The following MTR variants were observed in gnomAD, a reference collection of about 807,000 sequenced individuals.
MTR encodes methionine synthase.
A neutral mutation model predicts 154.8 loss-of-function variants in MTR; 84 were observed. That is an observed-to-expected ratio of 0.54 (90% CI 0.45 to 0.65). The LOEUF is 0.65. Ranked by LOEUF, MTR falls within the 30% of genes least tolerant of loss-of-function variation. The probability of loss-of-function intolerance (pLI) is 0.00; values close to 1 mark genes in which losing one functional copy is unlikely to be tolerated. For synonymous variants in MTR, 554 were observed against 553.9 expected, an observed-to-expected ratio of 1.00 and a Z score of 0.00; for missense variants, 1,275 against 1,570.2, an observed-to-expected ratio of 0.81 and a Z score of 3.18.
At chr1:236,880,037 T>A (rs776947166) in intron 24 of MTR, among the ~76,000 whole-genome samples, 2 of 151,532 alleles carry the variant, frequency 1.3e-5, no homozygotes, top group African/African-American at 2.4e-5. Flanking sequence ...GGCGGGTGCC[T>A]GTAGTCCCAG....
In MTR at chr1:236,827,471, T is replaced by TC. The variant is rs556142506; in HGVS notation, c.995+575_995+576insC. ...TCTTATTTCATCTATCCCTCAACTT[T>TC]TCCCCCTGGATTATGTAAAGTAAAT... On this transcript the variant is annotated intron_variant, in intron 11 of 32. Transcript: ENST00000366577. Among the ~76,000 whole-genome samples, 752 of 152,314 alleles carry TC rather than the reference T, an allele frequency of 4.9e-3. 10 individuals are homozygous for TC. Among genetic ancestry groups the TC allele is most frequent in the African/African-American group, 0.017 (709 of 41,554 alleles).
intron 11 of MTR, 106 bp from the exon 12 acceptor site, chr1:236,829,083 A>G (rs1662461479): frequency 1.2e-6 from 1 of 857,354 alleles, no homozygotes. Flanking sequence ...ATGTATAGTT[A>G]TGTTAAATAG....
chr1:236,807,947 G>T (rs1373255855), intron 3 of MTR, among the ~76,000 whole-genome samples: 1 of 152,126 alleles, frequency 6.6e-6, no homozygotes, highest in Non-Finnish European at 1.5e-5. Context: ...ACAGGCGGTG[G>T]ACCCAACTTG....
intron 14 of MTR, among the ~76,000 whole-genome samples, chr1:236,837,631 G>A (rs960928643): frequency 2.6e-5 from 4 of 152,184 alleles, no homozygotes; most frequent in Non-Finnish European, 5.9e-5. Context: ...GGGAGCTGTG[G>A]TATGCACCTG....
chr1:236,870,740 A>G (rs775344809), intron 22 of MTR, among the ~76,000 whole-genome samples: 1 of 152,206 alleles, frequency 6.6e-6, no homozygotes, highest in African/African-American at 2.4e-5. Flanking sequence ...CCATTTGGAT[A>G]TCTAAAGAAA....
chr1:236,856,174 A>C (rs1664190165), intron 18 of MTR, among the ~76,000 whole-genome samples: 1 of 152,056 alleles, frequency 6.6e-6, no homozygotes, highest in African/African-American at 2.4e-5. Flanking sequence ...TTTTTCTGTG[A>C]ACACACCAGT....
chr1:236,819,840 A>T lies in MTR; in HGVS notation c.764+3297A>T, dbSNP rs181113190. ...GGCGGCTTGTGCCATTGTTGCCATT[A>T]AAAACCCTGCTGATGTCAGTGTCAT... On this transcript the variant is annotated intron_variant, in intron 8 of 32. Transcript: ENST00000366577. The T allele has an allele frequency of 3.0e-4, 227 of 767,702 alleles. 1 individual carries two copies. In the East Asian group the frequency reaches 5.3e-3, roughly 18 times the overall value. The allele number at this position is 767,702 out of a possible 1,614,324, so 47.6% of individuals were successfully genotyped here.
In MTR at chr1:236,808,776, A is replaced by G. The variant is rs1245334251; in HGVS notation, c.409+3A>G. 2.5e-6 allele frequency: 4 copies of G among 1,613,942 alleles called. No individual in the cohort carries two copies. In the East Asian group the frequency reaches 8.9e-5, roughly 36 times the overall value. ...CGAGGAGGTAACTCTCCAGACAGGT[A>G]GGGAATGTTCTTCTCTTTTTTTGCA... is the stretch of plus-strand genomic sequence containing the variant. On this transcript the variant is annotated splice_donor_region_variant and intron_variant, in intron 4 of 32. Coordinates refer to ENST00000366577, the MANE Select transcript of MTR (RefSeq NM_000254.3).
Position 236,861,185 on chromosome 1 carries a change from C to A in MTR, c.2104C>A (p.Pro702Thr), listed in dbSNP as rs1211740926. ...EEARLNQKKY[P>T]RPLNIIEGPL... ...AGCCAGGTTAAACCAAAAAAAATAT[C>A]CCCGACCTCTCAATATAATTGAAGG... Residue 702 changes from proline to threonine, a missense_variant, in exon 20 of 33, where the codon CCC becomes ACC. Coordinates refer to ENST00000366577, the MANE Select transcript of MTR (RefSeq NM_000254.3). The A allele has an allele frequency of 1.3e-6, 2 of 1,588,278 alleles. No homozygotes were observed. Among genetic ancestry groups the A allele is most frequent in the Admixed American group, 1.7e-5 (1 of 58,238 alleles).
intron 15 of MTR, among the ~76,000 whole-genome samples, chr1:236,841,634 A>AT (rs1442384729): frequency 2.1e-5 from 3 of 139,636 alleles, no homozygotes; most frequent in African/African-American, 5.4e-5. Flanking sequence ...TAATTTCCAA[A>AT]TTCTTGGTTA....
At chr1:236,862,151 A>C in intron 20 of MTR, 85 bp from the exon 21 acceptor site, 2 of 1,087,510 alleles carry the variant, frequency 1.8e-6, no homozygotes, top group South Asian at 2.5e-5. Flanking sequence ...ATGCATTCCT[A>C]ATGTGTGCCC....
intron 13 of MTR, among the ~76,000 whole-genome samples, chr1:236,832,459 G>C (rs779872507): frequency 2.6e-5 from 4 of 152,138 alleles, no homozygotes; most frequent in Non-Finnish European, 5.9e-5. Flanking sequence ...CCTTATGATC[G>C]CATCAAACGC....
At chr1:236,814,758 T>C (rs970704229) in intron 6 of MTR, among the ~76,000 whole-genome samples, 2 of 152,144 alleles carry the variant, frequency 1.3e-5, no homozygotes, top group Admixed American at 6.5e-5. Flanking sequence ...TTGCATTGAG[T>C]CCCACCCCAT....
intron 18 of MTR, among the ~76,000 whole-genome samples, chr1:236,858,801 T>TTACCA (rs1664354466): frequency 6.6e-6 from 1 of 152,174 alleles, no homozygotes; most frequent in South Asian, 2.1e-4. Flanking sequence ...TACCTCCAGT[T>TTACCA]GAGGTGGAGA....
At chr1:236,836,815 G>T (rs780297971) in intron 14 of MTR, among the ~76,000 whole-genome samples, 6 of 152,176 alleles carry the variant, frequency 3.9e-5, no homozygotes, top group Admixed American at 1.3e-4. Context: ...AGAATCAGAG[G>T]TATAGCCAAT....
intron 1 of MTR, among the ~76,000 whole-genome samples, chr1:236,802,163 A>T (rs983910241): frequency 1.3e-5 from 2 of 152,162 alleles, no homozygotes; most frequent in East Asian, 3.9e-4. Flanking sequence ...GAGAATAAGG[A>T]GTCAGATAAT....
At chr1:236,852,881 A>T (rs1310196078) in intron 17 of MTR, 67 bp from the exon 18 acceptor site, 1 of 1,580,824 alleles carries the variant, frequency 6.3e-7, no homozygotes, top group Non-Finnish European at 8.7e-7. Flanking sequence ...CTTTACAGAG[A>T]AAAGTTTGCT....
chr1:236,873,325 A>G (rs1016889445), intron 22 of MTR, among the ~76,000 whole-genome samples: 1 of 152,240 alleles, frequency 6.6e-6, no homozygotes, highest in African/African-American at 2.4e-5. Flanking sequence ...AAATGGTTAC[A>G]GTGTTTCTGC....
In MTR at chr1:236,903,445, A is replaced by G. The variant is rs574086785; in HGVS notation, c.*5801A>G. On this transcript the variant is annotated 3_prime_UTR_variant, in exon 33 of 33. Transcript: ENST00000366577. ...GAATATCTAATTCCATTTACACTGC[A>G]TTCTTCAAATGTAATTTTCAAAGAT... The G allele has an allele frequency of 4.6e-5, 7 of 152,004 alleles. No homozygotes were observed. Among genetic ancestry groups the G allele is most frequent in the African/African-American group, 1.5e-4 (6 of 41,270 alleles). The allele number at this position is 152,004 out of a possible 1,614,324, so 9.4% of individuals were successfully genotyped here. A position where few individuals can be genotyped will look rare whatever the true frequency, so the allele number is the denominator to read the frequency against.
Sources: gnomAD v4.1 joint callset for allele counts (sites outside exome capture counted in the v4.1 genomes callset) on GRCh38, gnomAD v4.1.1 for gene constraint, MANE v1.5 for transcripts, NCBI Gene and HGNC (gene_info 2026-07-23, HGNC 2026-07-21) for gene names.